SQSTM1: variants seen among roughly 807,000 people sequenced by gnomAD.
The protein encoded by SQSTM1 is sequestosome 1, also known as sequestosome-1.
A neutral mutation model predicts 45.1 loss-of-function variants in SQSTM1; 36 were observed. The observed-to-expected ratio is 0.80, with a 90% confidence interval of 0.61 to 1.05. The LOEUF is 1.05. Ranked by LOEUF, SQSTM1 falls within the 50% of genes least tolerant of loss-of-function variation. The pLI, the probability that SQSTM1 is intolerant of heterozygous loss-of-function variation, is 0.00. For missense variants in SQSTM1, 617 were observed against 607.1 expected (o/e 1.02, Z -0.17); for synonymous variants, 290 against 244.3 (o/e 1.19, Z -1.74).
At position 179,836,719 on chromosome 5, in the gene SQSTM1, CAAG is replaced by C; in HGVS notation, c.*130_*132del. 1 of 1,453,406 alleles carries C rather than the reference CAAG, an allele frequency of 6.9e-7. No homozygotes were observed. The highest frequency in any genetic ancestry group is 9.6e-7 in the Non-Finnish European group (1 of 1,038,874). 90.0% of individuals were successfully genotyped at this position (1,453,406 alleles called of 1,614,324 possible). A position where few individuals can be genotyped will look rare whatever the true frequency, so the allele number is the denominator to read the frequency against. ...TCTTCCAGGATCAGGGGTTAGGGTG[CAAG>C]AAGCCATTTAGGGCAGCAAAACAAG... On this transcript the variant is annotated 3_prime_UTR_variant, in exon 8 of 8. Coordinates refer to ENST00000389805, the MANE Select transcript of SQSTM1 (RefSeq NM_003900.5).
Position 179,837,579 on chromosome 5 carries a change from C to T in SQSTM1, c.*986C>T, listed in dbSNP as rs370481237. 52 of 1,614,054 alleles carry T rather than the reference C, an allele frequency of 3.2e-5. No individual in the cohort carries two copies. Among genetic ancestry groups the T allele is most frequent in the South Asian group, 2.0e-4 (18 of 91,092 alleles). ...TGTGTGGCCCGAGGAAGCTGGACAG[C>T]GGCAGTGGGCCTGCTGAGGCCTTCT... On this transcript the variant is annotated 3_prime_UTR_variant, in exon 8 of 8. Coordinates refer to ENST00000389805, the MANE Select transcript of SQSTM1 (RefSeq NM_003900.5).
chr5:179,825,071 C>A, intron 4 of SQSTM1, 75 bp from the exon 5 acceptor site: 3 of 1,484,864 alleles, frequency 2.0e-6, no homozygotes, highest in South Asian at 2.3e-5. Flanking sequence ...GGGACCTTGG[C>A]AAGAAGGTGA....
In SQSTM1 at chr5:179,836,957, C is replaced by T. The variant is rs1323712333; in HGVS notation, c.*364C>T. ...TTTTAAATGACTCATAGGTCCCTGA[C>T]ATTTAGTTGATTATTTTCTGCTACA... is the stretch of plus-strand genomic sequence containing the variant. On this transcript the variant is annotated 3_prime_UTR_variant, in exon 8 of 8. Transcript: ENST00000389805. 2 of 606,472 alleles carry T rather than the reference C, an allele frequency of 3.3e-6. No homozygotes were observed. The highest frequency in any genetic ancestry group is 5.9e-5 in the Admixed American group (2 of 33,718). The allele number at this position is 606,472 out of a possible 1,614,324, so 37.6% of individuals were successfully genotyped here.
chr5:179,831,379 A>T (rs1168663357), intron 5 of SQSTM1, among the ~76,000 whole-genome samples: 2 of 152,198 alleles, frequency 1.3e-5, no homozygotes, highest in African/African-American at 2.4e-5. Flanking sequence ...AAGAGAAGGC[A>T]GGCTGGGTGC....
At position 179,833,494 on chromosome 5, in the gene SQSTM1, G is replaced by A. The variant is rs155787; in HGVS notation, c.970-93G>A. 0.56 allele frequency: 759,137 copies of A among 1,367,036 alleles called. 215,040 individuals are homozygous for A. The highest frequency in any genetic ancestry group is 0.79 in the East Asian group (33,830 of 42,864). The allele number at this position is 1,367,036 out of a possible 1,614,324, so 84.7% of individuals were successfully genotyped here. ...CAGCCTTAACTGCACGTGTGCATGC[G>A]TGCTCCCCGACTGTCTGCCAGGAGC... On this transcript the variant is annotated intron_variant, in intron 6 of 7. Transcript: ENST00000389805.
At chr5:179,817,097 G>T (rs1245396816), upstream of SQSTM1, among the ~76,000 whole-genome samples, 3 of 151,922 alleles carry the variant, frequency 2.0e-5, no homozygotes, top group Non-Finnish European at 4.4e-5. Flanking sequence ...CGCGCCGGGG[G>T]CCGGGACACG....
At chr5:179,831,193 C>T (rs1011556113) in intron 5 of SQSTM1, among the ~76,000 whole-genome samples, 4 of 152,206 alleles carry the variant, frequency 2.6e-5, no homozygotes, top group African/African-American at 9.6e-5. Context: ...GGGGTCACAG[C>T]ATCACAGCGC....
In SQSTM1 at chr5:179,836,408, C is replaced by A. The variant is rs1052389844; in HGVS notation, c.1166-28C>A. On this transcript the variant is annotated intron_variant, in intron 7 of 7. Transcript: ENST00000389805. ...GTCACTCACAGGGCTCAGCACCACT[C>A]CTCATGGCTTCCTTACTGTTTCGGC... 9.9e-6 allele frequency: 16 copies of A among 1,614,056 alleles called. No homozygotes were observed. In the East Asian group the frequency reaches 3.1e-4, roughly 31 times the overall value.
Position 179,837,872 on chromosome 5 carries a change from A to T in SQSTM1, c.*1279A>T, listed in dbSNP as rs1163136621. 6.2e-7 allele frequency: 1 copy of T among 1,605,832 alleles called. No homozygotes were observed. Among genetic ancestry groups the T allele is most frequent in the Non-Finnish European group, 8.5e-7 (1 of 1,179,200 alleles). The stretch of plus-strand genomic sequence containing the variant: ...GCTGCCTTGTTTCACCTTCCATGTC[A>T]GGCCAGCCTGTCCCTGAAAGAGAAG... On this transcript the variant is annotated 3_prime_UTR_variant, in exon 8 of 8. Coordinates refer to ENST00000389805, the MANE Select transcript of SQSTM1 (RefSeq NM_003900.5).
At chr5:179,823,405 C>T (rs1164880703) in intron 2 of SQSTM1, among the ~76,000 whole-genome samples, 1 of 118,502 alleles carries the variant, frequency 8.4e-6, no homozygotes. Flanking sequence ...CGGAGGTTGC[C>T]ATGAGCCGAA....
At chr5:179,833,447 C>T (rs1222053792) in intron 6 of SQSTM1, 140 bp from the exon 7 acceptor site, 4 of 1,022,814 alleles carry the variant, frequency 3.9e-6, no homozygotes, top group Admixed American at 4.0e-5. Context: ...TGTGAGTGGC[C>T]ACTGTTCCCC....
Position 179,833,153 on chromosome 5 carries a change from C to G in SQSTM1, c.876C>G (p.Asp292Glu), listed in dbSNP as rs4935. ...CACAGCCAAGCAGCTGCTGCTCTGA[C>G]CCCAGCAAGCCGGGTGGGAATGTTG... Reference protein sequence around the residue: ...SSSQPSSCCSDPSKPGGNVEG... With the variant: ...SSSQPSSCCSEPSKPGGNVEG... Residue 292 changes from aspartate (D) to glutamate (E), a missense_variant, in exon 6 of 8, where the codon GAC (aspartate) becomes GAG (glutamate). Asp to Glu is a conservative substitution (Grantham distance 45). Coordinates refer to ENST00000389805, the MANE Select transcript of SQSTM1 (RefSeq NM_003900.5). 1 of 1,613,776 alleles carries G rather than the reference C, an allele frequency of 6.2e-7. No homozygotes were observed. The highest frequency in any genetic ancestry group is 1.1e-5 in the South Asian group (1 of 91,064).
At chr5:179,812,592 A>G (rs1409567323) in intron 2 of SQSTM1, 1 of 152,282 alleles carries the variant, frequency 6.6e-6, no homozygotes, top group East Asian at 1.9e-4. Context: ...ACTTCTGGAC[A>G]TGGAAGTGTC....
At position 179,837,408 on chromosome 5, in the gene SQSTM1, A is replaced by C. The variant is rs563731385; in HGVS notation, c.*815A>C. 1.9e-6 allele frequency: 3 copies of C among 1,593,398 alleles called. No individual in the cohort carries two copies. The highest frequency in any genetic ancestry group is 2.7e-5 in the African/African-American group (2 of 74,348). On this transcript the variant is annotated 3_prime_UTR_variant, in exon 8 of 8. Coordinates refer to ENST00000389805, the MANE Select transcript of SQSTM1 (RefSeq NM_003900.5). Reference sequence around the variant, plus strand: ...GTCCCAGATCACACATCATCATCGAAGTCTTCCCCAGTTATAAAGAGGTCA... The same window carrying C: ...GTCCCAGATCACACATCATCATCGACGTCTTCCCCAGTTATAAAGAGGTCA...
intron 5 of SQSTM1, among the ~76,000 whole-genome samples, chr5:179,829,291 G>A (rs1165238241): frequency 1.3e-5 from 2 of 152,170 alleles, no homozygotes; most frequent in Non-Finnish European, 2.9e-5. Context: ...TGCTGAGGGA[G>A]GTTGAATGCC....
rs780729747 is a variant in SQSTM1, at chr5:179,833,168, T to A, written c.891T>A (p.Gly297=). 1.2e-5 allele frequency: 19 copies of A among 1,613,752 alleles called. No homozygotes were observed. Among genetic ancestry groups the A allele is most frequent in the Non-Finnish European group, 1.5e-5 (18 of 1,179,956 alleles). The part of the protein sequence containing the change: ...SSCCSDPSKP[G]GNVEGATQSL... ...GCTGCTCTGACCCCAGCAAGCCGGG[T>A]GGGAATGTTGAGGGCGCCACGCAGT... The change falls in exon 6 of 8, where the codon GGT becomes GGA. Residue 297 remains glycine, a synonymous_variant. Coordinates refer to ENST00000389805, the MANE Select transcript of SQSTM1 (RefSeq NM_003900.5).
In SQSTM1 at chr5:179,837,767, A is replaced by C. The variant is rs1363690337; in HGVS notation, c.*1174A>C. 1 of 1,614,212 alleles carries C rather than the reference A, an allele frequency of 6.2e-7. No homozygotes were observed. Among genetic ancestry groups the C allele is most frequent in the East Asian group, 2.2e-5 (1 of 44,884 alleles). ...AGAGGATGTGGCTGTAACCTGCTGGATGGGACTCCATAGCTCCTTCCCAGG... is the reference window on the plus strand; with the variant it reads ...AGAGGATGTGGCTGTAACCTGCTGGCTGGGACTCCATAGCTCCTTCCCAGG... On this transcript the variant is annotated 3_prime_UTR_variant, in exon 8 of 8. Transcript: ENST00000389805.
intron 1 of SQSTM1, among the ~76,000 whole-genome samples, chr5:179,808,968 C>T (rs1408500489): frequency 6.6e-6 from 1 of 151,314 alleles, no homozygotes; most frequent in East Asian, 1.9e-4. Flanking sequence ...CCCCATTCTC[C>T]TGCCTCAGCC....
Position 179,837,140 on chromosome 5 carries a change from C to G in SQSTM1, c.*547C>G. 7.6e-7 allele frequency: 1 copy of G among 1,313,460 alleles called. No homozygotes were observed. 81.4% of individuals were successfully genotyped at this position (1,313,460 alleles called of 1,614,324 possible). A position where few individuals can be genotyped will look rare whatever the true frequency, so the allele number is the denominator to read the frequency against. ...TGAGAGCTGCCTCCTGGTCTCTTCA[C>G]CACTGTAGTTCTCTCATTTCCAAAC... On this transcript the variant is annotated 3_prime_UTR_variant, in exon 8 of 8. Transcript: ENST00000389805.
Sources: allele counts gnomAD v4.1 joint callset (sites outside exome capture counted in the v4.1 genomes callset), GRCh38; gene constraint gnomAD v4.1.1; transcripts MANE v1.5; gene names NCBI Gene and HGNC (gene_info 2026-07-23, HGNC 2026-07-21).